The following KCNT2 variants were observed in gnomAD, a reference collection of about 807,000 sequenced individuals.
The protein encoded by KCNT2 is potassium sodium-activated channel subfamily T member 2, also known as potassium channel subfamily T member 2.
KCNT2 carries 67 observed loss-of-function variants against 153.8 expected under a neutral mutation model. That is an observed-to-expected ratio of 0.44 (90% CI 0.36 to 0.53). The LOEUF is 0.53. Ranked by LOEUF, KCNT2 falls within the 20% of genes least tolerant of loss-of-function variation. KCNT2 has a pLI of 0.00. For synonymous variants in KCNT2, 500 were observed against 458.8 expected, an observed-to-expected ratio of 1.09 and a Z score of -1.15; for missense variants, 975 against 1,354.8, an observed-to-expected ratio of 0.72 and a Z score of 4.40.
chr1:196,582,553 T>G (rs893418731), intron 1 of KCNT2: 2 of 154,198 alleles, frequency 1.3e-5, no homozygotes, highest in Admixed American at 1.3e-4. Flanking sequence ...AAGGGTTGGT[T>G]AGAATGATAG....
At chr1:196,450,160 G>A (rs1294843005) in intron 8 of KCNT2, among the ~76,000 whole-genome samples, 4 of 151,796 alleles carry the variant, frequency 2.6e-5, no homozygotes, top group African/African-American at 9.7e-5. Context: ...TAATGGCCAA[G>A]TGTTTTAGAT....
In KCNT2 at chr1:196,227,076, C is replaced by T. The variant is rs1001499145; in HGVS notation, c.*1148G>A. On this transcript the variant is annotated 3_prime_UTR_variant, in exon 28 of 28. Transcript: ENST00000294725. ...TATAACTCAAATTCTGCATGATTTG[C>T]ATTAATGTTAAAAGCCAAGAACTAC... The T allele has an allele frequency of 3.3e-5, 5 of 151,914 alleles. No individual in the cohort carries two copies. Among genetic ancestry groups the T allele is most frequent in the Admixed American group, 1.3e-4 (2 of 15,258 alleles). 9.4% of individuals were successfully genotyped at this position (151,914 alleles called of 1,614,324 possible).
At chr1:196,273,498 C>T (rs769797719) in intron 25 of KCNT2, 40 of 1,528,342 alleles carry the variant, frequency 2.6e-5, no homozygotes, top group South Asian at 1.3e-4. Context: ...ACTGACACAA[C>T]GGGAGGGAAA....
intron 25 of KCNT2, chr1:196,273,318 G>T: frequency 1.8e-6 from 1 of 545,424 alleles, no homozygotes; most frequent in Non-Finnish European, 3.2e-6. Context: ...AATTTGAAAA[G>T]AAAACATTTA....
In KCNT2 at chr1:196,549,988, A is replaced by G. The variant is rs912583632; in HGVS notation, c.96-57647T>C. 2.0e-5 allele frequency among the ~76,000 whole-genome samples: 3 copies of G among 151,904 alleles called. No homozygotes were observed. In the South Asian group the frequency reaches 6.2e-4, roughly 31 times the overall value. ...AGATGAGAAGGCCCCAAAGACAGAC[A>G]TCATGTACTTGACAAACGATTTAAG... On this transcript the variant is annotated intron_variant, in intron 1 of 27. Transcript: ENST00000294725.
rs112154347 is a variant in KCNT2 at position 196,485,311 on chromosome 1, G to A, written c.276-2932C>T. Among the ~76,000 whole-genome samples the A allele has an allele frequency of 4.5e-3, 689 of 152,010 alleles. 3 individuals carry two copies. Among genetic ancestry groups the A allele is most frequent in the African/African-American group, 0.016 (660 of 41,472 alleles). On this transcript the variant is annotated intron_variant, in intron 3 of 27. Transcript: ENST00000294725. ...AGGCCTGTTGGGGATTGGGGGGCGA[G>A]GGGAAGGAAAATGGACAAAAATAAT...
In KCNT2 at chr1:196,328,381, G is replaced by A. The variant is rs564505189; in HGVS notation, c.2104-1492C>T. Among the ~76,000 whole-genome samples the A allele has an allele frequency of 2.0e-3, 297 of 152,140 alleles. 1 individual carries two copies. The highest frequency in any genetic ancestry group is 3.5e-3 in the Non-Finnish European group (237 of 67,992). On this transcript the variant is annotated intron_variant, in intron 18 of 27. Coordinates refer to ENST00000294725, the MANE Select transcript of KCNT2 (RefSeq NM_198503.5). ...AAAAAATTAAGACTTGGAAGCTATC[G>A]TGAGAATATCTAACATTTATTTAAT...
At chr1:196,547,646 A>T (rs1053451076) in intron 1 of KCNT2, among the ~76,000 whole-genome samples, 2 of 151,914 alleles carry the variant, frequency 1.3e-5, no homozygotes, top group African/African-American at 4.8e-5. Context: ...TTCACTGTCC[A>T]TTCATCTGTC....
At chr1:196,374,508 T>C (rs1668788647) in intron 13 of KCNT2, among the ~76,000 whole-genome samples, 1 of 151,810 alleles carries the variant, frequency 6.6e-6, no homozygotes, top group African/African-American at 2.4e-5. Flanking sequence ...TACAAAAATA[T>C]CAAGTTTCTA....
chr1:196,440,324 C>A (rs1244013887), intron 8 of KCNT2, among the ~76,000 whole-genome samples: 1 of 151,908 alleles, frequency 6.6e-6, no homozygotes, highest in Non-Finnish European at 1.5e-5. Flanking sequence ...AAATATTAAG[C>A]AGATACAAGA....
chr1:196,598,047 T>C (rs1218013710), intron 1 of KCNT2, among the ~76,000 whole-genome samples: 2 of 152,100 alleles, frequency 1.3e-5, no homozygotes, highest in African/African-American at 4.8e-5. Context: ...AGAAAAATAT[T>C]AAAAAATAAA....
In KCNT2 at chr1:196,258,470, C is replaced by T. The variant is rs1656710276; in HGVS notation, c.2935G>A (p.Glu979Lys). 1.2e-6 allele frequency: 2 copies of T among 1,600,580 alleles called. No individual in the cohort carries two copies. Among genetic ancestry groups the T allele is most frequent in the South Asian group, 2.2e-5 (2 of 90,566 alleles). ...SESQISISVE[E>K]WEDTKDSKEQ... is the part of the protein sequence containing the mutation. ...TTGGAGTCTTTGGTGTCTTCCCACT[C>T]TTCTACACTGATAGATATTTGAGAC... The change falls in exon 26 of 28, where the codon GAG becomes AAG. Residue 979 changes from glutamate to lysine, a missense_variant. This residue lies in a region of KCNT2 where 241 missense variants were observed against 271.1 expected (regional missense o/e 0.89). Coordinates refer to ENST00000294725, the MANE Select transcript of KCNT2 (RefSeq NM_198503.5).
chr1:196,426,917 G>A lies in KCNT2; in HGVS notation c.985-929C>T, dbSNP rs149487435. Among the ~76,000 whole-genome samples the A allele has an allele frequency of 4.6e-5, 7 of 151,910 alleles. No homozygotes were observed. In the East Asian group the frequency reaches 5.8e-4, roughly 13 times the overall value. On this transcript the variant is annotated intron_variant, in intron 10 of 27. Transcript: ENST00000294725. ...GTGAAGACACACCTGCTTCCCTTTC[G>A]CATTACACGTGACCATAAGTTTCCT...
At chr1:196,536,307 T>G (rs1655563208) in intron 1 of KCNT2, among the ~76,000 whole-genome samples, 1 of 152,230 alleles carries the variant, frequency 6.6e-6, no homozygotes, top group African/African-American at 2.4e-5. Context: ...CTTTTGTAAC[T>G]TATAGGCAGT....
At chr1:196,365,975 T>C (rs550076816) in intron 14 of KCNT2, among the ~76,000 whole-genome samples, 1 of 152,274 alleles carries the variant, frequency 6.6e-6, no homozygotes, top group Admixed American at 6.5e-5. Context: ...GTTTCAAGGC[T>C]TTAAATGGGG....
chr1:196,362,317 CAG>C (rs1667701137), intron 14 of KCNT2, among the ~76,000 whole-genome samples: 1 of 152,096 alleles, frequency 6.6e-6, no homozygotes, highest in Non-Finnish European at 1.5e-5. Flanking sequence ...TGGTCTTTCT[CAG>C]TCCTTCTTTT....
chr1:196,363,371 C>T (rs913292573), intron 14 of KCNT2, among the ~76,000 whole-genome samples: 4 of 152,022 alleles, frequency 2.6e-5, no homozygotes, highest in African/African-American at 9.7e-5. Context: ...TTTCCCTGCC[C>T]CATTCCTGGA....
intron 26 of KCNT2, among the ~76,000 whole-genome samples, chr1:196,243,993 T>G (rs933515647): frequency 6.6e-6 from 1 of 151,922 alleles, no homozygotes; most frequent in Non-Finnish European, 1.5e-5. Context: ...GCAACTTGGA[T>G]ACCAGCTCAG....
chr1:196,555,476 A>C (rs941119983), intron 1 of KCNT2, among the ~76,000 whole-genome samples: 3 of 151,324 alleles, frequency 2.0e-5, no homozygotes, highest in African/African-American at 7.3e-5. Context: ...TAAAAACTAT[A>C]AAATACTAAT....
Sources: gnomAD v4.1 joint callset for allele counts (sites outside exome capture counted in the v4.1 genomes callset) on GRCh38, gnomAD v4.1.1 for gene constraint, gnomAD v4.1.1 regional missense constraint, MANE v1.5 for transcripts, NCBI Gene and HGNC (gene_info 2026-07-23, HGNC 2026-07-21) for gene names.